The following PLCXD3 variants were observed in gnomAD, a reference collection of about 807,000 sequenced individuals.
PLCXD3 encodes phosphatidylinositol specific phospholipase C X domain containing 3, also known as PI-PLC X domain-containing protein 3.
Under a neutral mutation model 25.5 loss-of-function variants are expected in PLCXD3, and 19 were observed. The ratio of observed to expected loss-of-function variants is 0.75; its 90% confidence interval spans 0.52 to 1.09. PLCXD3 has a LOEUF of 1.09. Ranked by LOEUF, PLCXD3 falls within the 50% of genes least tolerant of loss-of-function variation. The probability of loss-of-function intolerance (pLI) is 0.00; values close to 1 mark genes in which losing one functional copy is unlikely to be tolerated. For missense variants in PLCXD3, 411 were observed against 388.1 expected, an observed-to-expected ratio of 1.06 and a Z score of -0.50; for synonymous variants, 174 against 137.6, an observed-to-expected ratio of 1.26 and a Z score of -1.85.
intron 1 of PLCXD3, among the ~76,000 whole-genome samples, chr5:41,446,877 T>C (rs550479485): frequency 6.6e-6 from 1 of 152,352 alleles, no homozygotes; most frequent in East Asian, 1.9e-4. Context: ...GCTTTTTAAT[T>C]TAGATACCCG....
At chr5:41,402,553 T>C (rs1329171200) in intron 1 of PLCXD3, among the ~76,000 whole-genome samples, 2 of 151,856 alleles carry the variant, frequency 1.3e-5, no homozygotes, top group Admixed American at 6.6e-5. Flanking sequence ...TTGCACAAAG[T>C]ACTATGTAAA....
intron 1 of PLCXD3, among the ~76,000 whole-genome samples, chr5:41,413,009 C>G (rs1219360045): frequency 6.6e-6 from 1 of 152,134 alleles, no homozygotes; most frequent in Non-Finnish European, 1.5e-5. Context: ...GACATGACAA[C>G]CAGTAATTTT....
chr5:41,345,768 T>C (rs889921122), intron 2 of PLCXD3, among the ~76,000 whole-genome samples: 1 of 152,148 alleles, frequency 6.6e-6, no homozygotes, highest in Non-Finnish European at 1.5e-5. Context: ...CTTTAACTCA[T>C]TTAACTCATG....
At chr5:41,496,086 A>G (rs944290852) in intron 1 of PLCXD3, among the ~76,000 whole-genome samples, 2 of 152,140 alleles carry the variant, frequency 1.3e-5, no homozygotes, top group Non-Finnish European at 2.9e-5. Flanking sequence ...GAAAAAATCC[A>G]CTGGAGATAT....
intron 1 of PLCXD3, among the ~76,000 whole-genome samples, chr5:41,481,047 A>G (rs966155841): frequency 1.3e-5 from 2 of 151,188 alleles, no homozygotes; most frequent in African/African-American, 2.4e-5. Flanking sequence ...AATACCTACC[A>G]AATTTATAAT....
At chr5:41,344,432 G>A (rs1414094378) in intron 2 of PLCXD3, among the ~76,000 whole-genome samples, 4 of 151,930 alleles carry the variant, frequency 2.6e-5, no homozygotes, top group East Asian at 3.9e-4. Context: ...TGATCAACTC[G>A]TCAATTAAAG....
chr5:41,378,299 A>G (rs559301430), intron 2 of PLCXD3, among the ~76,000 whole-genome samples: 67 of 152,226 alleles, frequency 4.4e-4, no homozygotes, highest in Non-Finnish European at 1.2e-4. Flanking sequence ...AACATTCAGA[A>G]TACAGCTTTG....
In PLCXD3 at chr5:41,382,310, G is replaced by T. The variant is rs1318704920; in HGVS notation, c.328C>A (p.Leu110Ile). 5 of 1,613,586 alleles carry T rather than the reference G, an allele frequency of 3.1e-6. No homozygotes were observed. In the South Asian group the frequency reaches 4.4e-5, roughly 14 times the overall value. Reference protein sequence around the residue: ...STKPRDPDNELYFAHGLFSAK... With the variant: ...STKPRDPDNEIYFAHGLFSAK... Reference sequence around the variant, plus strand: ...CTGAACAAACCATGAGCAAAATAGAGTTCATTGTCGGGGTCTCTGGGCTTG... The same window carrying T: ...CTGAACAAACCATGAGCAAAATAGATTTCATTGTCGGGGTCTCTGGGCTTG... Residue 110 changes from leucine (L) to isoleucine (I), a missense_variant, in exon 2 of 3, where the codon CTC (leucine) becomes ATC (isoleucine). Leu to Ile is a conservative substitution (Grantham distance 5, BLOSUM62 2). Transcript: ENST00000377801.
chr5:41,434,894 G>C (rs981926286), intron 1 of PLCXD3, among the ~76,000 whole-genome samples: 6 of 152,140 alleles, frequency 3.9e-5, no homozygotes, highest in Non-Finnish European at 5.9e-5. Flanking sequence ...CAGGAGAAAG[G>C]AGATAGGGTT....
rs76781554 is a variant in PLCXD3 at position 41,377,498 on chromosome 5, G to A, written c.812+4328C>T. ...AAGTTAATAAACTTCCGCAAATTAG[G>A]AAAGGACTTTACTCAAGTTGCACAC... On this transcript the variant is annotated intron_variant, in intron 2 of 2. Transcript: ENST00000377801. 4.0e-3 allele frequency among the ~76,000 whole-genome samples: 610 copies of A among 152,118 alleles called. 5 individuals carry two copies. Among genetic ancestry groups the A allele is most frequent in the African/African-American group, 0.014 (590 of 41,518 alleles).
chr5:41,408,516 G>T (rs1229786112), intron 1 of PLCXD3, among the ~76,000 whole-genome samples: 1 of 152,070 alleles, frequency 6.6e-6, no homozygotes, highest in Non-Finnish European at 1.5e-5. Context: ...CTGTGTTGTT[G>T]GTTGAATACT....
rs552551046 is a variant in PLCXD3, at chr5:41,474,892, C to T, written c.103+35532G>A. Among the ~76,000 whole-genome samples the T allele has an allele frequency of 2.3e-4, 35 of 152,280 alleles. No homozygotes were observed. The South Asian group carries it at 2.9e-3, about 13-fold the overall frequency. On this transcript the variant is annotated intron_variant, in intron 1 of 2. Transcript: ENST00000377801. ...TAGTGAGTGTGTCTCCTCCAACTAA[C>T]GCAACCCGTTCTCTGACTGGGAGAT...
chr5:41,375,355 A>T (rs1745259681), intron 2 of PLCXD3, among the ~76,000 whole-genome samples: 1 of 151,224 alleles, frequency 6.6e-6, no homozygotes, highest in Admixed American at 6.6e-5. Flanking sequence ...TGCCCCCTTC[A>T]CCCCTAGGTT....
chr5:41,362,410 T>G (rs1472450176), intron 2 of PLCXD3, among the ~76,000 whole-genome samples: 1 of 152,172 alleles, frequency 6.6e-6, no homozygotes, highest in Non-Finnish European at 1.5e-5. Context: ...GTTGGTTTAT[T>G]TGGCTAAGGC....
chr5:41,417,729 G>A lies in PLCXD3; in HGVS notation c.104-35195C>T, dbSNP rs114938626. 7.1e-3 allele frequency among the ~76,000 whole-genome samples: 1,088 copies of A among 152,284 alleles called. 11 individuals carry two copies. The highest frequency in any genetic ancestry group is 0.024 in the African/African-American group (1,016 of 41,548). On this transcript the variant is annotated intron_variant, in intron 1 of 2. Coordinates refer to ENST00000377801, the MANE Select transcript of PLCXD3 (RefSeq NM_001005473.3). The stretch of plus-strand genomic sequence containing the variant: ...CTGTTAAGCCATGGTATAGGGCTGC[G>A]CTGAGCAAACCTGGAGGGTAGGACT...
At chr5:41,368,722 AT>A in intron 2 of PLCXD3, among the ~76,000 whole-genome samples, 1 of 152,140 alleles carries the variant, frequency 6.6e-6, no homozygotes, top group East Asian at 1.9e-4. Context: ...TCAATACCTA[AT>A]TTATTGAGAG....
intron 1 of PLCXD3, among the ~76,000 whole-genome samples, chr5:41,403,407 T>TTTTTTTTTTTTTTTTTTTTTTTTTTTAC (rs1554047960): frequency 1.5e-4 from 5 of 34,476 alleles, no homozygotes; most frequent in Admixed American, 2.6e-4. Flanking sequence ...TGTTGTTTTT[T>TTTTTTTTTTTTTTTTTTTTTTTTTTTAC]TTTTTTTTTA....
chr5:41,371,469 T>C (rs919687926), intron 2 of PLCXD3, among the ~76,000 whole-genome samples: 1 of 152,188 alleles, frequency 6.6e-6, no homozygotes, highest in African/African-American at 2.4e-5. Flanking sequence ...TCTAGCCCTA[T>C]GGATTAGGCT....
intron 1 of PLCXD3, among the ~76,000 whole-genome samples, chr5:41,398,286 G>C (rs963801033): frequency 1.3e-5 from 2 of 152,172 alleles, no homozygotes; most frequent in African/African-American, 4.8e-5. Flanking sequence ...GATAGTGAGT[G>C]AGTCCTCATG....
Sources: allele counts gnomAD v4.1 joint callset (sites outside exome capture counted in the v4.1 genomes callset), GRCh38; gene constraint gnomAD v4.1.1; transcripts MANE v1.5; gene names NCBI Gene and HGNC (gene_info 2026-07-23, HGNC 2026-07-21).